Variants in DAGLA observed in about 807,000 individuals in gnomAD.
The protein encoded by DAGLA is diacylglycerol lipase alpha.
Under a neutral mutation model 102.6 loss-of-function variants are expected in DAGLA, and 22 were observed. The observed-to-expected ratio is 0.21, with a 90% CI of 0.15 to 0.31. DAGLA has a LOEUF of 0.31. Among genes scored for constraint, DAGLA ranks in the 10% least tolerant of loss-of-function variants. DAGLA has a pLI of 1.00. For synonymous variants in DAGLA, 578 were observed against 628.9 expected (o/e 0.92, Z 1.21); for missense variants, 927 against 1,446.6 (o/e 0.64, Z 5.83).
chr11:61,737,339 G>A lies in DAGLA; in HGVS notation c.1514+15G>A. 6.2e-7 allele frequency: 1 copy of A among 1,608,860 alleles called. No individual in the cohort carries two copies. Reference sequence around the variant, plus strand: ...GGCCTGCTGAGGTGAGCCATCTGGGGCTTCAGAGTTGGCTGGGGCAGTTGG... The same window carrying A: ...GGCCTGCTGAGGTGAGCCATCTGGGACTTCAGAGTTGGCTGGGGCAGTTGG... On this transcript the variant is annotated intron_variant, in intron 14 of 19. Coordinates refer to ENST00000257215, the MANE Select transcript of DAGLA (RefSeq NM_006133.3).
intron 1 of DAGLA, among the ~76,000 whole-genome samples, chr11:61,702,172 A>T (rs2065114552): frequency 6.6e-6 from 1 of 152,116 alleles, no homozygotes; most frequent in South Asian, 2.1e-4. Context: ...AAGCATTGGG[A>T]TTACAGGTGT....
chr11:61,704,265 C>T (rs1018717231), intron 1 of DAGLA, among the ~76,000 whole-genome samples: 5 of 151,632 alleles, frequency 3.3e-5, no homozygotes, highest in South Asian at 2.1e-4. Context: ...ATTACAGGCG[C>T]GTGCCACCAT....
intron 1 of DAGLA, among the ~76,000 whole-genome samples, chr11:61,718,335 G>A (rs545702507): frequency 5.3e-5 from 8 of 152,196 alleles, no homozygotes; most frequent in African/African-American, 1.9e-4. Context: ...TTCCATTCAT[G>A]TGAGGGGCTC....
rs577994399 is a variant in DAGLA, at chr11:61,727,757, A to G, written c.637-396A>G. 2.6e-5 allele frequency among the ~76,000 whole-genome samples: 4 copies of G among 152,338 alleles called. No individual in the cohort carries two copies. In the East Asian group the frequency reaches 7.7e-4, roughly 29 times the overall value. The stretch of plus-strand genomic sequence containing the variant: ...CCCAGCTGGTGGGTCAGAGGCAGCC[A>G]GGAGCTTAGTTTGGTTTCTGTGCTG... On this transcript the variant is annotated intron_variant, in intron 6 of 19. Coordinates refer to ENST00000257215, the MANE Select transcript of DAGLA (RefSeq NM_006133.3).
At chr11:61,717,599 G>A (rs1010206329) in intron 1 of DAGLA, among the ~76,000 whole-genome samples, 4 of 152,198 alleles carry the variant, frequency 2.6e-5, no homozygotes, top group Non-Finnish European at 4.4e-5. Context: ...ACTGAGGCAC[G>A]ACTAATAAGT....
intron 1 of DAGLA, among the ~76,000 whole-genome samples, chr11:61,681,634 C>T (rs1043634698): frequency 2.0e-5 from 3 of 151,984 alleles, no homozygotes; most frequent in Admixed American, 6.6e-5. Flanking sequence ...CCTTTGGGTC[C>T]AGAGGATTGG....
In DAGLA at chr11:61,680,434, TC is replaced by T. The variant is rs896884398; in HGVS notation, c.-114del. ...GCCCTGCGGAAGCGGCGTTAGTGAA[TC>T]GGGGCCTTGGGGAGCCCAGGATGGA... On this transcript the variant is annotated 5_prime_UTR_variant, in exon 1 of 20. It adds an upstream start codon to the 5' untranslated region. Transcript: ENST00000257215. 4.6e-5 allele frequency: 7 copies of T among 151,696 alleles called. No homozygotes were observed. Among genetic ancestry groups the T allele is most frequent in the African/African-American group, 7.3e-5 (3 of 41,206 alleles). 9.4% of individuals were successfully genotyped at this position (151,696 alleles called of 1,614,324 possible). A position where few individuals can be genotyped will look rare whatever the true frequency, so the allele number is the denominator to read the frequency against.
intron 1 of DAGLA, among the ~76,000 whole-genome samples, chr11:61,690,191 G>A (rs1215022031): frequency 3.3e-5 from 5 of 152,196 alleles, no homozygotes; most frequent in Non-Finnish European, 7.3e-5. Context: ...TTTTTCTTAA[G>A]GGTTGTTTCA....
chr11:61,723,414 C>T lies in DAGLA; in HGVS notation c.410-20C>T, dbSNP rs771703371. On this transcript the variant is annotated intron_variant, in intron 4 of 19. Coordinates refer to ENST00000257215, the MANE Select transcript of DAGLA (RefSeq NM_006133.3). ...GTGTCCCCAGCGCCCCTACCTAATGCCTCCCACTGCTGCCCGCAGGAATGG... is the reference window on the plus strand; with the variant it reads ...GTGTCCCCAGCGCCCCTACCTAATGTCTCCCACTGCTGCCCGCAGGAATGG... 2.5e-6 allele frequency: 4 copies of T among 1,607,216 alleles called. No individual in the cohort carries two copies. In the Admixed American group the frequency reaches 5.0e-5, roughly 20 times the overall value.
At chr11:61,715,634 G>C (rs1453974502) in intron 1 of DAGLA, among the ~76,000 whole-genome samples, 1 of 152,206 alleles carries the variant, frequency 6.6e-6, no homozygotes, top group Non-Finnish European at 1.5e-5. Flanking sequence ...ACTCATGGTG[G>C]GGGCAGGCTC....
intron 5 of DAGLA, among the ~76,000 whole-genome samples, chr11:61,725,604 G>T (rs1255501010): frequency 6.6e-6 from 1 of 152,202 alleles, no homozygotes; most frequent in Non-Finnish European, 1.5e-5. Flanking sequence ...ACCTCCCAGG[G>T]TTTGAGCCTT....
intron 1 of DAGLA, among the ~76,000 whole-genome samples, chr11:61,704,111 C>G (rs1045822781): frequency 8.0e-6 from 1 of 125,510 alleles, no homozygotes; most frequent in Non-Finnish European, 1.6e-5. Flanking sequence ...CAAAGTAGGT[C>G]AGAGAATTTC....
At chr11:61,715,703 G>A (rs1565254418) in intron 1 of DAGLA, among the ~76,000 whole-genome samples, 1 of 152,220 alleles carries the variant, frequency 6.6e-6, no homozygotes, top group Non-Finnish European at 1.5e-5. Flanking sequence ...GGCACCAGCA[G>A]CACCTTCCAG....
In DAGLA at chr11:61,684,129, C is replaced by T. The variant is rs1210861832; in HGVS notation, c.-45+3625C>T. On this transcript the variant is annotated intron_variant, in intron 1 of 19. Coordinates refer to ENST00000257215, the MANE Select transcript of DAGLA (RefSeq NM_006133.3). This position sits in a 1 kb window ranked among gnomAD's most constrained non-coding sequence, Gnocchi z 4.5. ...CTGCAGCTGAAGGCACAGCTTGTCA[C>T]TGGAAGCCACTCCTCCCCCAGTCCC... Among the ~76,000 whole-genome samples, 1 of 152,214 alleles carries T rather than the reference C, an allele frequency of 6.6e-6. No individual in the cohort carries two copies. The highest frequency in any genetic ancestry group is 1.5e-5 in the Non-Finnish European group (1 of 68,040).
intron 1 of DAGLA, among the ~76,000 whole-genome samples, chr11:61,708,663 G>A (rs973622750): frequency 3.3e-5 from 5 of 152,190 alleles, no homozygotes; most frequent in South Asian, 2.1e-4. Context: ...GACTACAGGC[G>A]TGAGCCACCA....
chr11:61,724,128 G>C (rs2065306010), intron 5 of DAGLA, among the ~76,000 whole-genome samples: 1 of 152,136 alleles, frequency 6.6e-6, no homozygotes, highest in South Asian at 2.1e-4. Flanking sequence ...AGGATTCAGA[G>C]ATTGGGAGAG....
At chr11:61,688,476 C>G (rs879781408) in intron 1 of DAGLA, among the ~76,000 whole-genome samples, 16 of 152,242 alleles carry the variant, frequency 1.1e-4, no homozygotes, top group Non-Finnish European at 1.9e-4. Flanking sequence ...TGCAGCTTGC[C>G]AGCTGCCAAG....
chr11:61,715,942 AGG>A, intron 1 of DAGLA, among the ~76,000 whole-genome samples: 1 of 151,766 alleles, frequency 6.6e-6, no homozygotes, highest in Non-Finnish European at 1.5e-5. Flanking sequence ...ATCTAGCCAG[AGG>A]GGGGGGAGAG....
At position 61,743,534 on chromosome 11, in the gene DAGLA, G is replaced by C; in HGVS notation, c.2174G>C (p.Ser725Thr). ...CCTGCTCTCCTCTCCCTCTGCAGGA[G>C]CAAGTCCCAGTCTGAGATGAGCCTG... ...TADHRNSSVR[S>T]KSQSEMSLEG... The change falls in exon 20 of 20, where the codon AGC becomes ACC. Residue 725 changes from serine to threonine, a missense_variant and splice_region_variant. Physicochemically the swap from Ser to Thr is moderately conservative, Grantham distance 58. This residue lies in a region of DAGLA where 434 missense variants were observed against 503.3 expected (regional missense o/e 0.86). Transcript: ENST00000257215. The C allele has an allele frequency of 1.3e-6, 2 of 1,514,908 alleles. No homozygotes were observed. Among genetic ancestry groups the C allele is most frequent in the Non-Finnish European group, 8.8e-7 (1 of 1,137,434 alleles). The allele number at this position is 1,514,908 out of a possible 1,614,324, so 93.8% of individuals were successfully genotyped here.
Sources: allele counts gnomAD v4.1 joint callset (sites outside exome capture counted in the v4.1 genomes callset), GRCh38; gene constraint gnomAD v4.1.1; regional missense constraint gnomAD v4.1.1; non-coding constraint Gnocchi (gnomAD v3.1); transcripts MANE v1.5; gene names NCBI Gene and HGNC (gene_info 2026-07-23, HGNC 2026-07-21).